ABAT: variants seen among roughly 807,000 people sequenced by gnomAD.
The protein encoded by ABAT is 4-aminobutyrate aminotransferase, mitochondrial.
Under a neutral mutation model 64.6 loss-of-function variants are expected in ABAT, and 45 were observed. The ratio of observed to expected loss-of-function variants is 0.70; its 90% confidence interval spans 0.55 to 0.89. The LOEUF (loss-of-function observed/expected upper bound fraction) is 0.89, where lower values mean the gene tolerates loss of function less well. ABAT is among the 40% of genes least tolerant of loss of function. ABAT has a pLI of 0.00. For missense variants in ABAT, 633 were observed against 658.4 expected, an observed-to-expected ratio of 0.96 and a Z score of 0.42; for synonymous variants, 297 against 250.5, an observed-to-expected ratio of 1.19 and a Z score of -1.75.
At chr16:8,676,691 T>C (rs1216520858) in intron 1 of ABAT, among the ~76,000 whole-genome samples, 6 of 151,970 alleles carry the variant, frequency 3.9e-5, no homozygotes, top group Admixed American at 3.9e-4. Context: ...GATGCTGGAG[T>C]GGAGGCTACT....
chr16:8,729,003 C>A (rs1388416546), intron 1 of ABAT, among the ~76,000 whole-genome samples: 1 of 152,002 alleles, frequency 6.6e-6, no homozygotes, highest in Non-Finnish European at 1.5e-5. Context: ...ATTCATGAAG[C>A]CTCATATCAA....
chr16:8,699,071 AT>A (rs1354612342), intron 1 of ABAT, among the ~76,000 whole-genome samples: 1 of 152,210 alleles, frequency 6.6e-6, no homozygotes, highest in Non-Finnish European at 1.5e-5. Flanking sequence ...GCTGGGTCAT[AT>A]GGTGATTCTG....
At chr16:8,705,561 T>G (rs891754135) in intron 1 of ABAT, 6 of 152,186 alleles carry the variant, frequency 3.9e-5, no homozygotes, top group African/African-American at 7.2e-5. Context: ...TCTCTTTATG[T>G]TGTTTTCCAA....
Position 8,783,905 on chromosome 16 carries a change from T to TA in ABAT, c.*2480dup, listed in dbSNP as rs1217845139. 6.6e-6 allele frequency: 1 copy of TA among 152,240 alleles called. No individual in the cohort carries two copies. The highest frequency in any genetic ancestry group is 2.4e-5 in the African/African-American group (1 of 41,468). The allele number at this position is 152,240 out of a possible 1,614,324, so 9.4% of individuals were successfully genotyped here. A position where few individuals can be genotyped will look rare whatever the true frequency, so the allele number is the denominator to read the frequency against. On this transcript the variant is annotated 3_prime_UTR_variant, in exon 16 of 16. Transcript: ENST00000268251. ...CCTTACCAAGGGAAGTTACTTCTTG[T>TA]AAAAACTTTTAAGCCATTTATCAAC...
chr16:8,774,983 G>C lies in ABAT; in HGVS notation c.1048G>C (p.Ala350Pro), dbSNP rs1312610126. The C allele has an allele frequency of 6.2e-7, 1 of 1,614,246 alleles. No individual in the cohort carries two copies. ...AHEHWGLDDP[A>P]DVMTFSKKMM... is the part of the protein sequence containing the mutation. Reference sequence around the variant, plus strand: ...TGAGCACTGGGGCCTGGATGACCCAGCAGACGTGATGACCTTCAGCAAGAA... The same window carrying C: ...TGAGCACTGGGGCCTGGATGACCCACCAGACGTGATGACCTTCAGCAAGAA... The change falls in exon 13 of 16, where the codon GCA becomes CCA. Residue 350 changes from alanine to proline, a missense_variant. Physicochemically the swap from Ala to Pro is conservative, Grantham distance 27. Coordinates refer to ENST00000268251, the MANE Select transcript of ABAT (RefSeq NM_020686.6).
intron 4 of ABAT, 53 bp downstream of exon 4, chr16:8,748,190 C>T: frequency 6.5e-7 from 1 of 1,527,654 alleles, no homozygotes; most frequent in Non-Finnish European, 9.1e-7. Flanking sequence ...CACAATTGAG[C>T]TAAAAGACAG....
In ABAT at chr16:8,717,195, C is replaced by T. The variant is rs536902379; in HGVS notation, c.-41-18504C>T. Among the ~76,000 whole-genome samples, 5 of 152,232 alleles carry T rather than the reference C, an allele frequency of 3.3e-5. No individual in the cohort carries two copies. In the East Asian group the frequency reaches 9.7e-4, roughly 29 times the overall value. ...ATCCCAGCTACTCGGGAGGCTGAGGCAGGAGAATCGCTTGAACCTGGGAGG... is the reference window on the plus strand; with the variant it reads ...ATCCCAGCTACTCGGGAGGCTGAGGTAGGAGAATCGCTTGAACCTGGGAGG... On this transcript the variant is annotated intron_variant, in intron 1 of 15. Coordinates refer to ENST00000268251, the MANE Select transcript of ABAT (RefSeq NM_020686.6).
At chr16:8,745,907 C>G (rs2059314279) in intron 2 of ABAT, 94 bp from the exon 3 acceptor site, 2 of 1,238,306 alleles carry the variant, frequency 1.6e-6, no homozygotes, top group African/African-American at 1.5e-5. Flanking sequence ...GGTCCTGGCA[C>G]TACCTCTGTT....
In ABAT at chr16:8,772,821, G is replaced by A. The variant is rs375480247; in HGVS notation, c.858G>A (p.Thr286=). 72 of 1,613,968 alleles carry A rather than the reference G, an allele frequency of 4.5e-5. No individual in the cohort carries two copies. Among genetic ancestry groups the A allele is most frequent in the African/African-American group, 2.3e-4 (17 of 74,906 alleles). The change falls in exon 12 of 16, where the codon ACG becomes ACA. Residue 286 remains threonine (T), a synonymous_variant. Transcript: ENST00000268251. The part of the protein sequence containing the change: ...LIVKYRKKKK[T]VAGIIVEPIQ... The stretch of plus-strand genomic sequence containing the variant: ...TGAAATATCGGAAAAAGAAGAAGAC[G>A]GTGGCCGGGATCATCGTGGAGCCCA...
intron 2 of ABAT, chr16:8,736,913 G>C (rs1469775224): frequency 2.0e-5 from 3 of 152,284 alleles, no homozygotes; most frequent in Middle Eastern, 6.8e-3. Context: ...CCCGAGAGTG[G>C]CCTCCTGCAG....
At chr16:8,726,249 C>G (rs1247086614) in intron 1 of ABAT, among the ~76,000 whole-genome samples, 2 of 146,408 alleles carry the variant, frequency 1.4e-5, no homozygotes, top group African/African-American at 2.5e-5. Context: ...CACGTTGTTG[C>G]AAATGACTAG....
At chr16:8,758,203 T>C (rs190428331) in intron 6 of ABAT, among the ~76,000 whole-genome samples, 1 of 152,336 alleles carries the variant, frequency 6.6e-6, no homozygotes, top group East Asian at 1.9e-4. Context: ...TATCCCCATT[T>C]TTCAGATGCA....
At chr16:8,736,929 T>C (rs1567294857) in intron 2 of ABAT, 1 of 152,160 alleles carries the variant, frequency 6.6e-6, no homozygotes, top group South Asian at 2.1e-4. Context: ...TGCAGAGATA[T>C]AAAGTGCCTG....
intron 11 of ABAT, among the ~76,000 whole-genome samples, chr16:8,770,216 C>T (rs1188855655): frequency 6.6e-6 from 1 of 152,150 alleles, no homozygotes; most frequent in East Asian, 1.9e-4. Flanking sequence ...CAGCTCACTG[C>T]AAGCTCCGCC....
In ABAT at chr16:8,764,294, A is replaced by T. The variant is rs2059880635; in HGVS notation, c.447+145A>T. ...TATTCTTCCATGCAGAGTATTTTAA[A>T]TTTTTCTTTTAAAGGACAGAAGGGA... On this transcript the variant is annotated intron_variant, in intron 7 of 15. Transcript: ENST00000268251. This position sits in a 1 kb window ranked among gnomAD's most constrained non-coding sequence, Gnocchi z 4.2. 1 of 784,380 alleles carries T rather than the reference A, an allele frequency of 1.3e-6. No individual in the cohort carries two copies. The highest frequency in any genetic ancestry group is 1.7e-5 in the African/African-American group (1 of 57,290). 48.6% of individuals were successfully genotyped at this position (784,380 alleles called of 1,614,324 possible).
At position 8,761,926 on chromosome 16, in the gene ABAT, T is replaced by G. The variant is rs573774038; in HGVS notation, c.367-2143T>G. Among the ~76,000 whole-genome samples the G allele has an allele frequency of 1.6e-4, 24 of 152,328 alleles. No homozygotes were observed. The East Asian group carries it at 4.4e-3, about 28-fold the overall frequency. On this transcript the variant is annotated intron_variant, in intron 6 of 15. Transcript: ENST00000268251. ...ATGAAACCATGTCCCTTAGATCTAA[T>G]ATCTGGATTCCAATTATGATTTCTT...
chr16:8,767,051 CAG>C lies in ABAT; in HGVS notation c.603+782_603+783del, dbSNP rs562888889. Among the ~76,000 whole-genome samples the C allele has an allele frequency of 3.3e-5, 5 of 152,304 alleles. No homozygotes were observed. The East Asian group carries it at 9.6e-4, about 29-fold the overall frequency. ...TTCTTAGGGTTTTTCCCAGAGGTCTCAGGGAATTGGTGCTCAACCAGCCTGAG... is the reference window on the plus strand; with the variant it reads ...TTCTTAGGGTTTTTCCCAGAGGTCTCGGAATTGGTGCTCAACCAGCCTGAG... On this transcript the variant is annotated intron_variant, in intron 9 of 15. Coordinates refer to ENST00000268251, the MANE Select transcript of ABAT (RefSeq NM_020686.6).
At chr16:8,721,610 G>A (rs950592037) in intron 1 of ABAT, among the ~76,000 whole-genome samples, 1 of 152,176 alleles carries the variant, frequency 6.6e-6, no homozygotes, top group Non-Finnish European at 1.5e-5. Context: ...GCAGATTACC[G>A]AAAGGATCTA....
rs180906478 is a variant in ABAT at position 8,706,682 on chromosome 16, C to A, written c.-41-29017C>A. On this transcript the variant is annotated intron_variant, in intron 1 of 15. Coordinates refer to ENST00000268251, the MANE Select transcript of ABAT (RefSeq NM_020686.6). ...GAGCCAAGATCGTGCCACGGCACTTCAGCCTGGGAGACAGAGCAAGACCCT... is the reference window on the plus strand; with the variant it reads ...GAGCCAAGATCGTGCCACGGCACTTAAGCCTGGGAGACAGAGCAAGACCCT... 2.4e-4 allele frequency among the ~76,000 whole-genome samples: 36 copies of A among 152,244 alleles called. No homozygotes were observed. In the South Asian group the frequency reaches 6.9e-3, roughly 29 times the overall value.
Sources: gnomAD v4.1 joint callset for allele counts (sites outside exome capture counted in the v4.1 genomes callset) on GRCh38, gnomAD v4.1.1 for gene constraint, Gnocchi (gnomAD v3.1) non-coding constraint, MANE v1.5 for transcripts, NCBI Gene and HGNC (gene_info 2026-07-23, HGNC 2026-07-21) for gene names.